EYS: variants seen among roughly 807,000 people sequenced by gnomAD.
The protein encoded by EYS is protein eyes shut homolog.
EYS carries 250 observed loss-of-function variants against 282.1 expected under a neutral mutation model. The observed-to-expected ratio is 0.89, with a 90% CI of 0.80 to 0.98. EYS has a LOEUF of 0.98. Ranked by LOEUF, EYS falls within the 50% of genes least tolerant of loss-of-function variation. EYS has a pLI of 0.00. For synonymous variants in EYS, 1,355 were observed against 1,282.9 expected, an observed-to-expected ratio of 1.06 and a Z score of -1.20; for missense variants, 4,016 against 3,709.0, an observed-to-expected ratio of 1.08 and a Z score of -2.15.
intron 35 of EYS, among the ~76,000 whole-genome samples, chr6:63,868,643 G>A (rs775760663): frequency 3.9e-5 from 6 of 151,992 alleles, no homozygotes; most frequent in East Asian, 1.9e-4. Context: ...TCTATGTATC[G>A]GCTCTGATAG....
chr6:64,593,022 G>GA (rs11331907), intron 25 of EYS, 95 bp downstream of exon 25: 1,141 of 830,222 alleles, frequency 1.4e-3, no homozygotes, highest in Non-Finnish European at 1.6e-3. Context: ...ATGTATCTCA[G>GA]AAAAAAAAAA....
At chr6:65,000,659 T>C (rs950399143) in intron 13 of EYS, among the ~76,000 whole-genome samples, 1 of 152,028 alleles carries the variant, frequency 6.6e-6, no homozygotes, top group South Asian at 2.1e-4. Context: ...ATGCCTGTAG[T>C]CCCAGCTACT....
chr6:64,887,677 C>G (rs1767141738), intron 18 of EYS, among the ~76,000 whole-genome samples: 1 of 151,996 alleles, frequency 6.6e-6, no homozygotes, highest in African/African-American at 2.4e-5. Flanking sequence ...CATGCTCCTC[C>G]TTTTACTTCT....
chr6:65,257,295 T>C lies in EYS; in HGVS notation c.2023+38568A>G, dbSNP rs1279256299. Among the ~76,000 whole-genome samples the C allele has an allele frequency of 1.4e-4, 12 of 83,296 alleles. 1 individual carries two copies. Among genetic ancestry groups the C allele is most frequent in the Non-Finnish European group, 2.0e-4 (9 of 43,962 alleles). The allele number at this position is 83,296 out of a possible 152,430, so 54.6% of individuals were successfully genotyped here. A position where few individuals can be genotyped will look rare whatever the true frequency, so the allele number is the denominator to read the frequency against. ...TTTAATTAGATCCCATTTGTCAATTTTGGCTTTTGTTGCCATTGCTTTTGG... is the reference window on the plus strand; with the variant it reads ...TTTAATTAGATCCCATTTGTCAATTCTGGCTTTTGTTGCCATTGCTTTTGG... On this transcript the variant is annotated intron_variant, in intron 12 of 42. Transcript: ENST00000503581.
intron 26 of EYS, among the ~76,000 whole-genome samples, chr6:64,449,923 C>A (rs1244320905): frequency 1.3e-5 from 2 of 152,068 alleles, no homozygotes; most frequent in Non-Finnish European, 2.9e-5. Flanking sequence ...TAAAGACCGT[C>A]AAGGCTAGGA....
chr6:65,024,537 C>T (rs76303235), intron 13 of EYS, among the ~76,000 whole-genome samples: 6,264 of 152,272 alleles, frequency 0.041, 144 homozygotes, highest in South Asian at 0.084. Flanking sequence ...TTTCAGAATT[C>T]ATGCGTCACG....
At chr6:64,311,089 A>G (rs1769681696) in intron 29 of EYS, among the ~76,000 whole-genome samples, 2 of 152,008 alleles carry the variant, frequency 1.3e-5, no homozygotes, top group African/African-American at 4.8e-5. Context: ...AGCATATATT[A>G]ACATTTCATT....
At chr6:65,349,825 T>C (rs1416327819) in intron 9 of EYS, among the ~76,000 whole-genome samples, 1 of 151,482 alleles carries the variant, frequency 6.6e-6, no homozygotes, top group Non-Finnish European at 1.5e-5. Flanking sequence ...TACAGTGTAA[T>C]ATATCTTTAG....
chr6:63,994,656 T>A (rs1195161692), intron 34 of EYS, among the ~76,000 whole-genome samples: 1 of 152,026 alleles, frequency 6.6e-6, no homozygotes, highest in South Asian at 2.1e-4. Context: ...TAGGAAACTA[T>A]TTTCAAGAAG....
intron 12 of EYS, among the ~76,000 whole-genome samples, chr6:65,177,703 T>G (rs572037736): frequency 3.3e-5 from 5 of 150,858 alleles, no homozygotes; most frequent in African/African-American, 1.2e-4. Flanking sequence ...AAATGAACAA[T>G]TTTTTTTTCA....
At chr6:63,900,509 G>A (rs1157621236) in intron 35 of EYS, among the ~76,000 whole-genome samples, 1 of 152,150 alleles carries the variant, frequency 6.6e-6, no homozygotes, top group Non-Finnish European at 1.5e-5. Flanking sequence ...GATTGAGGCT[G>A]TGCACACGCA....
intron 33 of EYS, among the ~76,000 whole-genome samples, chr6:64,043,466 C>T (rs1242137598): frequency 6.6e-6 from 1 of 152,244 alleles, no homozygotes; most frequent in African/African-American, 2.4e-5. Flanking sequence ...CACTCTTCAG[C>T]CACTTCCCAC....
intron 26 of EYS, among the ~76,000 whole-genome samples, chr6:64,555,732 T>C (rs1765214587): frequency 6.6e-6 from 1 of 151,916 alleles, no homozygotes; most frequent in Non-Finnish European, 1.5e-5. Flanking sequence ...ATCAGGGTAA[T>C]TGGGATATGC....
At chr6:65,070,301 C>T (rs1773867170) in intron 12 of EYS, among the ~76,000 whole-genome samples, 1 of 151,884 alleles carries the variant, frequency 6.6e-6, no homozygotes, top group African/African-American at 2.4e-5. Context: ...TCACATATGT[C>T]TCAAATCCTC....
rs183848083 is a variant in EYS at position 65,279,471 on chromosome 6, C to T, written c.2023+16392G>A. Reference sequence around the variant, plus strand: ...CATTAGGCAACATACCACACTTTCCCTAACTTATATTTTTCAGTCTTCTCC... The same window carrying T: ...CATTAGGCAACATACCACACTTTCCTTAACTTATATTTTTCAGTCTTCTCC... On this transcript the variant is annotated intron_variant, in intron 12 of 42. Transcript: ENST00000503581. 1.8e-3 allele frequency among the ~76,000 whole-genome samples: 279 copies of T among 152,268 alleles called. 2 individuals are homozygous for T. The highest frequency in any genetic ancestry group is 6.3e-3 in the African/African-American group (263 of 41,568).
chr6:64,312,577 C>A (rs1267886108), intron 29 of EYS, among the ~76,000 whole-genome samples: 1 of 152,184 alleles, frequency 6.6e-6, no homozygotes, highest in Non-Finnish European at 1.5e-5. Flanking sequence ...ACCTGTGTAT[C>A]CTGACTAGGA....
intron 29 of EYS, among the ~76,000 whole-genome samples, chr6:64,368,846 C>G (rs566539119): frequency 6.6e-6 from 1 of 152,060 alleles, no homozygotes; most frequent in African/African-American, 2.4e-5. Flanking sequence ...TTCCCTCATT[C>G]TGTAGTTTGT....
intron 29 of EYS, among the ~76,000 whole-genome samples, chr6:64,361,374 C>A (rs1056559861): frequency 1.3e-5 from 2 of 151,510 alleles, no homozygotes; most frequent in Non-Finnish European, 3.0e-5. Context: ...AATGTGTAAA[C>A]AATGTTATAG....
intron 30 of EYS, among the ~76,000 whole-genome samples, chr6:64,286,444 A>G (rs1768503793): frequency 6.6e-6 from 1 of 152,184 alleles, no homozygotes. Flanking sequence ...TTAAATATAA[A>G]TATACTATAC....
Sources: gnomAD v4.1 joint callset for allele counts (sites outside exome capture counted in the v4.1 genomes callset) on GRCh38, gnomAD v4.1.1 for gene constraint, MANE v1.5 for transcripts, NCBI Gene and HGNC (gene_info 2026-07-23, HGNC 2026-07-21) for gene names.